Variants in FAM210A observed in about 807,000 individuals in gnomAD.
FAM210A encodes mitochondrial inner membrane scaffold 1.
Under a neutral mutation model 25.3 loss-of-function variants are expected in FAM210A, and 13 were observed. The observed-to-expected ratio is 0.51, with a 90% CI of 0.33 to 0.82. The LOEUF is 0.82. Ranked by LOEUF, FAM210A falls within the 40% of genes least tolerant of loss-of-function variation. FAM210A has a pLI of 0.02. For missense variants in FAM210A, 319 were observed against 323.2 expected (o/e 0.99, Z 0.10); for synonymous variants, 125 against 118.7 (o/e 1.05, Z -0.35).
At chr18:13,693,447 A>G (rs1407181581) in intron 1 of FAM210A, among the ~76,000 whole-genome samples, 1 of 152,240 alleles carries the variant, frequency 6.6e-6, no homozygotes, top group East Asian at 1.9e-4. Flanking sequence ...ACCAAAAAAG[A>G]GAATTTTAGA....
chr18:13,716,324 C>CTGGTA (rs1326396771), intron 1 of FAM210A, among the ~76,000 whole-genome samples: 3 of 152,234 alleles, frequency 2.0e-5, no homozygotes, highest in Non-Finnish European at 2.9e-5. Flanking sequence ...AGGTAGCTGT[C>CTGGTA]TACCAGAGCC....
rs2043598761 is a variant in FAM210A, at chr18:13,686,563, C to T, written c.-28-4458G>A. Reference sequence around the variant, plus strand: ...ATATTCAGGGCAACTTGACTCTATGCTCCTGGGTTGCAATCCTTAGGCTTT... The same window carrying T: ...ATATTCAGGGCAACTTGACTCTATGTTCCTGGGTTGCAATCCTTAGGCTTT... On this transcript the variant is annotated intron_variant, in intron 1 of 3. Coordinates refer to ENST00000651643, the MANE Select transcript of FAM210A (RefSeq NM_152352.4). Among the ~76,000 whole-genome samples, 5 of 152,134 alleles carry T rather than the reference C, an allele frequency of 3.3e-5. No homozygotes were observed. The South Asian group carries it at 1.0e-3, about 32-fold the overall frequency.
intron 2 of FAM210A, among the ~76,000 whole-genome samples, chr18:13,673,074 G>A (rs1185490459): frequency 2.7e-5 from 4 of 149,288 alleles, no homozygotes; most frequent in African/African-American, 5.0e-5. Context: ...CCTGAGCCCC[G>A]ACTTCTTTAT....
At chr18:13,696,443 C>G (rs761615671) in intron 1 of FAM210A, among the ~76,000 whole-genome samples, 3 of 152,130 alleles carry the variant, frequency 2.0e-5, no homozygotes, top group Non-Finnish European at 4.4e-5. Context: ...AGTCACTAAG[C>G]AGAAAATATT....
intron 1 of FAM210A, among the ~76,000 whole-genome samples, chr18:13,720,829 G>A (rs549383651): frequency 2.6e-5 from 4 of 152,154 alleles, no homozygotes; most frequent in East Asian, 1.9e-4. Context: ...TCCTTCAAAG[G>A]GGGTGAAGAA....
At chr18:13,717,894 TAC>T (rs1342045887) in intron 1 of FAM210A, among the ~76,000 whole-genome samples, 9 of 152,106 alleles carry the variant, frequency 5.9e-5, no homozygotes, top group Non-Finnish European at 1.3e-4. Context: ...GGAAACAAGG[TAC>T]CGTATGATGA....
At chr18:13,675,795 G>A (rs191480798) in intron 2 of FAM210A, among the ~76,000 whole-genome samples, 67 of 7,174 alleles carry the variant, frequency 9.3e-3, no homozygotes, top group Admixed American at 0.016. Context: ...CTGAGCCCTG[G>A]CTTCATTATT....
chr18:13,684,583 C>T (rs993753029), intron 1 of FAM210A, among the ~76,000 whole-genome samples: 6 of 152,074 alleles, frequency 3.9e-5, no homozygotes, highest in African/African-American at 1.4e-4. Flanking sequence ...AACTACAGAA[C>T]AGAAAGGAGG....
At position 13,681,727 on chromosome 18, in the gene FAM210A, G is replaced by T; in HGVS notation, c.351C>A (p.Asp117Glu). The stretch of plus-strand genomic sequence containing the variant: ...ATCGTTGATAAAGACTAATAGATTT[G>T]TCTTGCAAAGGATCAGGCTCTTCCT... ...EKKEEPDPLQ[D>E]KSISLYQRFK... Residue 117 changes from aspartate (D) to glutamate (E), a missense_variant, in exon 2 of 4, where the codon GAC becomes GAA. Physicochemically the swap from Asp to Glu is conservative, Grantham distance 45. Coordinates refer to ENST00000651643, the MANE Select transcript of FAM210A (RefSeq NM_152352.4). 6.2e-7 allele frequency: 1 copy of T among 1,614,122 alleles called. No homozygotes were observed. The highest frequency in any genetic ancestry group is 1.1e-5 in the South Asian group (1 of 91,078).
chr18:13,687,327 T>C (rs561433637), intron 1 of FAM210A, among the ~76,000 whole-genome samples: 1 of 152,184 alleles, frequency 6.6e-6, no homozygotes, highest in East Asian at 1.9e-4. Context: ...GTTCAGCAAT[T>C]ATCACACTAC....
intron 1 of FAM210A, among the ~76,000 whole-genome samples, chr18:13,705,564 C>G (rs535857880): frequency 6.6e-6 from 1 of 152,130 alleles, no homozygotes; most frequent in Non-Finnish European, 1.5e-5. Flanking sequence ...CTCTGCCTTC[C>G]GGGTTCAAGC....
At chr18:13,691,402 A>G (rs1211068752) in intron 1 of FAM210A, among the ~76,000 whole-genome samples, 1 of 152,208 alleles carries the variant, frequency 6.6e-6, no homozygotes, top group Non-Finnish European at 1.5e-5. Flanking sequence ...GGAAATACAG[A>G]GAACGCCACA....
chr18:13,707,677 T>C (rs1211377118), intron 1 of FAM210A, among the ~76,000 whole-genome samples: 1 of 152,224 alleles, frequency 6.6e-6, no homozygotes, highest in African/African-American at 2.4e-5. Flanking sequence ...TTTGAGTCCT[T>C]GTGGATGAAC....
At chr18:13,672,867 G>A (rs887937008) in intron 2 of FAM210A, among the ~76,000 whole-genome samples, 6 of 152,330 alleles carry the variant, frequency 3.9e-5, no homozygotes, top group Non-Finnish European at 8.8e-5. Flanking sequence ...AAGACTTAAG[G>A]CAGGTGAAGG....
At chr18:13,690,268 G>A (rs886934356) in intron 1 of FAM210A, among the ~76,000 whole-genome samples, 2 of 152,224 alleles carry the variant, frequency 1.3e-5, no homozygotes, top group African/African-American at 4.8e-5. Context: ...GCTCGAACTG[G>A]GTGGAGTCCA....
rs747275779 is a variant in FAM210A, at chr18:13,666,680, C to A, written c.619G>T (p.Gly207Ter). Residue 207 changes from glycine (G) to a stop codon, truncating the protein, a stop_gained, in exon 4 of 4, where the codon GGA (glycine) becomes TGA (stop). Coordinates refer to ENST00000651643, the MANE Select transcript of FAM210A (RefSeq NM_152352.4). LOFTEE classifies it high-confidence loss of function. ...TACTTCACAGTGACAGATGTTCCTC[C>A]CAAAGTCACGGTATACCGAGCAGGT... ...ATPARYTVTLGGTSVTVKYLR... is the reference protein window; with the variant it reads ...ATPARYTVTL 6.2e-7 allele frequency: 1 copy of A among 1,614,054 alleles called. No homozygotes were observed. The highest frequency in any genetic ancestry group is 8.5e-7 in the Non-Finnish European group (1 of 1,179,950).
chr18:13,681,933 G>GTACCAAAACCACTT lies in FAM210A; in HGVS notation c.131_144dup (p.Gln49LysfsTer94). 1 of 1,614,150 alleles carries GTACCAAAACCACTT rather than the reference G, an allele frequency of 6.2e-7. No individual in the cohort carries two copies. Among genetic ancestry groups the GTACCAAAACCACTT allele is most frequent in the Non-Finnish European group, 8.5e-7 (1 of 1,180,036 alleles). ...TGCAACCATTGTTTTTGAGGGCCTT[G>GTACCAAAACCACTT]TACCAAAACCACTTTGGATTCAGCA... is the stretch of plus-strand genomic sequence containing the variant. On this transcript the variant is annotated frameshift_variant, in exon 2 of 4. Coordinates refer to ENST00000651643, the MANE Select transcript of FAM210A (RefSeq NM_152352.4). LOFTEE classifies it high-confidence loss of function.
chr18:13,700,603 C>T (rs2043731709), intron 1 of FAM210A, among the ~76,000 whole-genome samples: 1 of 152,190 alleles, frequency 6.6e-6, no homozygotes, highest in African/African-American at 2.4e-5. Flanking sequence ...TCAGCAATCC[C>T]CACACTTTAG....
In FAM210A at chr18:13,706,319, T is replaced by C. The variant is rs181190229; in HGVS notation, c.-29+20010A>G. On this transcript the variant is annotated intron_variant, in intron 1 of 3. Transcript: ENST00000651643. ...CTCTTATCTTTAAATACTTTTCCCT[T>C]GTTTATGCCTCTATGAACAACAGAA... 7.8e-4 allele frequency among the ~76,000 whole-genome samples: 115 copies of C among 147,674 alleles called. 3 individuals are homozygous for C. The East Asian group carries it at 0.021, about 27-fold the overall frequency.
Sources: gnomAD v4.1 joint callset for allele counts (sites outside exome capture counted in the v4.1 genomes callset) on GRCh38, gnomAD v4.1.1 for gene constraint, MANE v1.5 for transcripts, NCBI Gene and HGNC (gene_info 2026-07-23, HGNC 2026-07-21) for gene names.